The following ACACA variants were observed in gnomAD, a reference collection of about 807,000 sequenced individuals.
ACACA encodes the protein acetyl-CoA carboxylase 1.
ACACA carries 103 observed loss-of-function variants against 296.1 expected under a neutral mutation model. That is an observed-to-expected ratio of 0.35 (90% CI 0.30 to 0.41). The LOEUF is 0.41. ACACA is among the 10% of genes least tolerant of loss of function. The pLI, the probability that ACACA is intolerant of heterozygous loss-of-function variation, is 1.00. For missense variants in ACACA, 1,554 were observed against 2,989.7 expected (o/e 0.52, Z 11.20); for synonymous variants, 953 against 1,038.6 (o/e 0.92, Z 1.58).
intron 28 of ACACA, among the ~76,000 whole-genome samples, chr17:37,222,956 T>C (rs117648468): frequency 2.6e-3 from 398 of 152,324 alleles, no homozygotes; most frequent in Non-Finnish European, 4.6e-3. Flanking sequence ...CTATGTGATT[T>C]TGGACAAATC....
intron 45 of ACACA, among the ~76,000 whole-genome samples, chr17:37,148,637 T>C (rs574509825): frequency 6.6e-6 from 1 of 152,328 alleles, no homozygotes; most frequent in Admixed American, 6.5e-5. Context: ...ATTTAGTATG[T>C]GTATTAACTC....
intron 14 of ACACA, among the ~76,000 whole-genome samples, chr17:37,255,581 T>C (rs866848536): frequency 2.0e-5 from 3 of 152,038 alleles, no homozygotes; most frequent in Admixed American, 6.6e-5. Context: ...CTGAAGAAAA[T>C]ACACAGTGGT....
intron 10 of ACACA, among the ~76,000 whole-genome samples, chr17:37,268,759 A>ATATATG: frequency 7.0e-6 from 1 of 142,722 alleles, no homozygotes; most frequent in African/African-American, 2.5e-5. Flanking sequence ...ATATATATAT[A>ATATATG]TATATATATC....
chr17:37,358,618 G>C (rs1173329946), intron 1 of ACACA, among the ~76,000 whole-genome samples: 1 of 152,180 alleles, frequency 6.6e-6, no homozygotes, highest in African/African-American at 2.4e-5. Context: ...CCTCTCCCGA[G>C]CCCAGAATCG....
chr17:37,247,855 T>C, intron 18 of ACACA, 156 bp downstream of exon 18: 1 of 786,540 alleles, frequency 1.3e-6, no homozygotes, highest in South Asian at 1.7e-5. Flanking sequence ...AACACTTTAA[T>C]ACTCTTGATA....
At chr17:37,256,851 T>A (rs2081250692) in intron 14 of ACACA, among the ~76,000 whole-genome samples, 1 of 152,170 alleles carries the variant, frequency 6.6e-6, no homozygotes, top group Non-Finnish European at 1.5e-5. Context: ...TTATTAGTAA[T>A]TAATACTAAT....
intron 40 of ACACA, among the ~76,000 whole-genome samples, chr17:37,180,894 T>C (rs1383423056): frequency 1.3e-5 from 2 of 152,186 alleles, no homozygotes; most frequent in Non-Finnish European, 2.9e-5. Flanking sequence ...ACTTGGGAAA[T>C]ACACAGGTAA....
chr17:37,174,923 TACATCTTGTA>T (rs2077053387), intron 41 of ACACA, among the ~76,000 whole-genome samples: 1 of 152,204 alleles, frequency 6.6e-6, no homozygotes, highest in Admixed American at 6.5e-5. Flanking sequence ...TTTTTGGATA[TACATCTTGTA>T]CCTAATTATT....
chr17:37,155,975 C>T (rs922527101), intron 42 of ACACA, among the ~76,000 whole-genome samples, 195 bp from the exon 43 acceptor site: 3 of 151,528 alleles, frequency 2.0e-5, no homozygotes, highest in Non-Finnish European at 2.9e-5. Flanking sequence ...TTTTCACTCA[C>T]TAACTGTCCT....
rs1015695615 is a variant in ACACA at position 37,087,121 on chromosome 17, A to T, written c.*195T>A. ...ATAAATACTGAATGGGGTAGGTGTG[A>T]CTGGTGGGCTGGAGGGGGATTCTGT... On this transcript the variant is annotated 3_prime_UTR_variant, in exon 56 of 56. Coordinates refer to ENST00000616317, the MANE Select transcript of ACACA (RefSeq NM_198834.3). 1.4e-6 allele frequency: 1 copy of T among 725,432 alleles called. No individual in the cohort carries two copies. The highest frequency in any genetic ancestry group is 2.1e-5 in the Admixed American group (1 of 46,622). The allele number at this position is 725,432 out of a possible 1,614,324, so 44.9% of individuals were successfully genotyped here. A position where few individuals can be genotyped will look rare whatever the true frequency, so the allele number is the denominator to read the frequency against.
intron 1 of ACACA, among the ~76,000 whole-genome samples, chr17:37,375,735 G>A (rs1378545662): frequency 6.6e-6 from 1 of 152,144 alleles, no homozygotes; most frequent in Admixed American, 6.6e-5. Context: ...CTGTGTCAGT[G>A]AGCATGCATG....
rs910843340 is a variant in ACACA, at chr17:37,299,878, T to A, written c.339-14908A>T. 37 of 820,104 alleles carry A rather than the reference T, an allele frequency of 4.5e-5. No homozygotes were observed. In the African/African-American group the frequency reaches 6.9e-4, roughly 15 times the overall value. 50.8% of individuals were successfully genotyped at this position (820,104 alleles called of 1,614,324 possible). ...CCAGAGGGAGGAGCACAGCTCGGTC[T>A]AAAGAGGTAATTTCTGAGATCCAAT... On this transcript the variant is annotated intron_variant, in intron 3 of 55. Coordinates refer to ENST00000616317, the MANE Select transcript of ACACA (RefSeq NM_198834.3).
intron 42 of ACACA, among the ~76,000 whole-genome samples, chr17:37,159,481 C>T (rs112350809): frequency 2.3e-3 from 345 of 152,270 alleles, no homozygotes; most frequent in African/African-American, 7.6e-3. Flanking sequence ...CTCGGCCTCC[C>T]GAAGTGCTGG....
intron 1 of ACACA, among the ~76,000 whole-genome samples, chr17:37,402,801 T>C (rs1036634359): frequency 1.3e-5 from 2 of 152,024 alleles, no homozygotes; most frequent in Non-Finnish European, 2.9e-5. Flanking sequence ...GCCTCCTGAG[T>C]AGCTGGGACT....
rs920783841 is a variant in ACACA at position 37,086,849 on chromosome 17, C to T, written c.*467G>A. 2 of 238,968 alleles carry T rather than the reference C, an allele frequency of 8.4e-6. No homozygotes were observed. The highest frequency in any genetic ancestry group is 1.7e-5 in the Non-Finnish European group (2 of 119,596). The allele number at this position is 238,968 out of a possible 1,614,324, so 14.8% of individuals were successfully genotyped here. ...AAGAGTCGGGGTAATAAACAATGGA[C>T]TTGAGGCTTCCTCCTCTCCTTAGCC... On this transcript the variant is annotated 3_prime_UTR_variant, in exon 56 of 56. Transcript: ENST00000616317.
At chr17:37,405,544 TTTTTCTTTCC>T (rs1464998875) in intron 1 of ACACA, among the ~76,000 whole-genome samples, 1 of 151,960 alleles carries the variant, frequency 6.6e-6, no homozygotes, top group Non-Finnish European at 1.5e-5. Flanking sequence ...TGGGAGGTGG[TTTTTCTTTCC>T]TTTTCTTTTC....
intron 52 of ACACA, among the ~76,000 whole-genome samples, chr17:37,103,887 C>A (rs868394323): frequency 9.9e-5 from 15 of 152,040 alleles, no homozygotes. Flanking sequence ...TGCATGCCCC[C>A]CAAAATTAGC....
At chr17:37,116,960 C>T (rs1175538355) in intron 50 of ACACA, among the ~76,000 whole-genome samples, 1 of 152,188 alleles carries the variant, frequency 6.6e-6, no homozygotes, top group Non-Finnish European at 1.5e-5. Flanking sequence ...CTGATAGGTT[C>T]CTCACTGGAG....
chr17:37,250,914 C>G (rs1370271059), intron 16 of ACACA, among the ~76,000 whole-genome samples: 4 of 151,898 alleles, frequency 2.6e-5, no homozygotes, highest in Admixed American at 2.6e-4. Flanking sequence ...GTAGTCCCAG[C>G]TACTCGAGAG....
Sources: gnomAD v4.1 joint callset for allele counts (sites outside exome capture counted in the v4.1 genomes callset) on GRCh38, gnomAD v4.1.1 for gene constraint, MANE v1.5 for transcripts, NCBI Gene and HGNC (gene_info 2026-07-23, HGNC 2026-07-21) for gene names.